KCNQ2: variants seen among roughly 807,000 people sequenced by gnomAD.
The protein encoded by KCNQ2 is potassium voltage-gated channel subfamily KQT member 2.
Under a neutral mutation model 84.8 loss-of-function variants are expected in KCNQ2, and 14 were observed. The observed-to-expected ratio is 0.17, with a 90% CI of 0.11 to 0.26. The LOEUF (loss-of-function observed/expected upper bound fraction) is 0.26, where lower values mean the gene tolerates loss of function less well. Among genes scored for constraint, KCNQ2 ranks in the 10% least tolerant of loss-of-function variants. The pLI, the probability that KCNQ2 is intolerant of heterozygous loss-of-function variation, is 1.00. For missense variants in KCNQ2, 788 were observed against 1,254.0 expected (o/e 0.63, Z 5.61); for synonymous variants, 599 against 554.1 (o/e 1.08, Z -1.14).
intron 1 of KCNQ2, 90 bp downstream of exon 1, chr20:63,472,078 C>G (rs2082229869): frequency 9.9e-7 from 1 of 1,014,276 alleles, no homozygotes; most frequent in African/African-American, 1.7e-5. Flanking sequence ...GGAGCCAAAC[C>G]CGCCGCAGCC....
intron 10 of KCNQ2, 50 bp downstream of exon 10, chr20:63,428,317 C>A (rs768959578): frequency 1.4e-6 from 2 of 1,441,534 alleles, no homozygotes; most frequent in South Asian, 1.2e-5. Flanking sequence ...GCTGGGGCCC[C>A]CAGGAGGACT....
rs1568898978 is a variant in KCNQ2 at position 63,424,120 on chromosome 20, A to T, written c.1247+57T>A. ...GACAGGTTGCGCACACGTGTGGGAG[A>T]GAGACCAGACGGCCGTGCACACGGC... On this transcript the variant is annotated intron_variant, in intron 11 of 16. Coordinates refer to ENST00000359125, the MANE Select transcript of KCNQ2 (RefSeq NM_172107.4). 1.9e-6 allele frequency: 3 copies of T among 1,542,238 alleles called. No individual in the cohort carries two copies. In the South Asian group the frequency reaches 3.6e-5, roughly 18 times the overall value.
In KCNQ2 at chr20:63,442,719, C is replaced by CCATCACCACCAT. The variant is rs1568933980; in HGVS notation, c.691-189_691-188insATGGTGGTGATG. ...ACCACCATCACCATCACCACCACCACCACCATCATCACCACCTCCACCATC... is the reference window on the plus strand; with the variant it reads ...ACCACCATCACCATCACCACCACCACCATCACCACCATCACCATCATCACCACCTCCACCATC... On this transcript the variant is annotated intron_variant, in intron 4 of 16. Coordinates refer to ENST00000359125, the MANE Select transcript of KCNQ2 (RefSeq NM_172107.4). 3.1e-4 allele frequency among the ~76,000 whole-genome samples: 12 copies of CCATCACCACCAT among 38,408 alleles called. 1 individual carries two copies. The East Asian group carries it at 4.2e-3, about 14-fold the overall frequency. The allele number at this position is 38,408 out of a possible 152,430, so 25.2% of individuals were successfully genotyped here. A position where few individuals can be genotyped will look rare whatever the true frequency, so the allele number is the denominator to read the frequency against.
At chr20:63,454,587 AACCGTGGGGAAG>A (rs2081720759) in intron 1 of KCNQ2, among the ~76,000 whole-genome samples, 2 of 152,372 alleles carry the variant, frequency 1.3e-5, no homozygotes, top group South Asian at 4.1e-4. Context: ...CGGTCGGCCG[AACCGTGGGGAAG>A]ACACAGGGGC....
chr20:63,467,440 A>G (rs1453943481), intron 1 of KCNQ2, among the ~76,000 whole-genome samples: 1 of 151,944 alleles, frequency 6.6e-6, no homozygotes, highest in African/African-American at 2.4e-5. Context: ...CGTCACTCCT[A>G]CAGGGCTGAG....
At chr20:63,470,862 C>G (rs551119354) in intron 1 of KCNQ2, 1 of 152,166 alleles carries the variant, frequency 6.6e-6, no homozygotes, top group Admixed American at 6.5e-5. Flanking sequence ...AAGCTAGACT[C>G]ACCTCCTGGG....
In KCNQ2 at chr20:63,414,012, A is replaced by AC; in HGVS notation, c.1631+75dup. The AC allele has an allele frequency of 9.1e-7, 1 of 1,094,020 alleles. No homozygotes were observed. The highest frequency in any genetic ancestry group is 1.4e-6 in the Non-Finnish European group (1 of 709,656). The allele number at this position is 1,094,020 out of a possible 1,614,324, so 67.8% of individuals were successfully genotyped here. ...GGCGGCTCTGTCCAGCACCATGAGC[A>AC]CCGGCAGCAGGCAGGACCACCGAGC... On this transcript the variant is annotated intron_variant, in intron 14 of 16. Transcript: ENST00000359125. This position sits in a 1 kb window ranked among gnomAD's most constrained non-coding sequence, Gnocchi z 6.6.
rs118192199 is a variant in KCNQ2 at position 63,444,762 on chromosome 20, G to C, written c.587C>G (p.Ala196Gly). ...CTGCAGGAAGCGCAGGCTCCGGAGCGCAGATGTGGCAAAGACGTTGCCCTG... is the reference window on the plus strand; with the variant it reads ...CTGCAGGAAGCGCAGGCTCCGGAGCCCAGATGTGGCAAAGACGTTGCCCTG... The part of the protein sequence containing the change: ...GSQGNVFATS[A>G]LRSLRFLQIL... The change falls in exon 4 of 17, where the codon GCG becomes GGG. Residue 196 changes from alanine (A) to glycine (G), a missense_variant. Ala to Gly is a moderately conservative substitution (Grantham distance 60, BLOSUM62 0). This residue lies in a region of KCNQ2 where 12 missense variants were observed against 50.2 expected (regional missense o/e 0.24). Transcript: ENST00000359125. The C allele has an allele frequency of 6.2e-7, 1 of 1,607,500 alleles. No homozygotes were observed. The highest frequency in any genetic ancestry group is 1.3e-5 in the African/African-American group (1 of 75,044).
chr20:63,453,130 G>A (rs1330072158), intron 1 of KCNQ2, among the ~76,000 whole-genome samples: 8 of 152,048 alleles, frequency 5.3e-5, no homozygotes, highest in East Asian at 1.9e-4. Flanking sequence ...CGCGGTGGAC[G>A]TCGGCACAGC....
intron 15 of KCNQ2, among the ~76,000 whole-genome samples, chr20:63,411,534 C>T (rs2145523062): frequency 6.6e-6 from 1 of 152,342 alleles, no homozygotes; most frequent in East Asian, 1.9e-4. Context: ...CCCCCGGCTT[C>T]CCCAGGGCAC....
In KCNQ2 at chr20:63,460,933, C is replaced by A. The variant is rs1010087959; in HGVS notation, c.296+11235G>T. ...TCAGAGACAAGCCAACTACCTGGCA[C>A]GCGAGACTCATCTTGCCCATGAGAA... On this transcript the variant is annotated intron_variant, in intron 1 of 16. Coordinates refer to ENST00000359125, the MANE Select transcript of KCNQ2 (RefSeq NM_172107.4). The surrounding 1 kb of genome is among the most constrained non-coding windows in gnomAD (Gnocchi z 5.4). 4 of 152,252 alleles carry A rather than the reference C, an allele frequency of 2.6e-5. No individual in the cohort carries two copies. Among genetic ancestry groups the A allele is most frequent in the Admixed American group, 1.3e-4 (2 of 15,286 alleles). The allele number at this position is 152,252 out of a possible 1,614,324, so 9.4% of individuals were successfully genotyped here.
chr20:63,464,807 G>A (rs1161836649), intron 1 of KCNQ2, among the ~76,000 whole-genome samples: 1 of 152,174 alleles, frequency 6.6e-6, no homozygotes, highest in African/African-American at 2.4e-5. Flanking sequence ...ATCAACCACA[G>A]CCCCGCGCAC....
At chr20:63,429,441 C>T (rs1202772267) in intron 9 of KCNQ2, among the ~76,000 whole-genome samples, 2 of 152,110 alleles carry the variant, frequency 1.3e-5, no homozygotes, top group East Asian at 1.9e-4. Flanking sequence ...AGGACGGCCA[C>T]CTCCCAGCCC....
At chr20:63,413,979 T>C (rs539850975) in intron 14 of KCNQ2, 109 bp downstream of exon 14, 37 of 822,582 alleles carry the variant, frequency 4.5e-5, no homozygotes, top group Admixed American at 1.9e-5. Context: ...CAGTAGACTC[T>C]GTCTCTGGGC....
At position 63,438,955 on chromosome 20, in the gene KCNQ2, A is replaced by C. The variant is rs1270911160; in HGVS notation, c.928-235T>G. ...ACCGATCCATGCCTCCCCCACCTTC[A>C]TCAAGGTCAGACTAATCCAGGAACC... On this transcript the variant is annotated intron_variant, in intron 6 of 16. Coordinates refer to ENST00000359125, the MANE Select transcript of KCNQ2 (RefSeq NM_172107.4). This position sits in a 1 kb window ranked among gnomAD's most constrained non-coding sequence, Gnocchi z 5.1. Among the ~76,000 whole-genome samples, 1 of 151,930 alleles carries C rather than the reference A, an allele frequency of 6.6e-6. No homozygotes were observed. The highest frequency in any genetic ancestry group is 2.4e-5 in the African/African-American group (1 of 41,354).
intron 5 of KCNQ2, among the ~76,000 whole-genome samples, chr20:63,440,360 G>A (rs1487244603): frequency 2.0e-5 from 3 of 152,182 alleles, no homozygotes; most frequent in Non-Finnish European, 2.9e-5. Context: ...GGACGGACAC[G>A]TCTCCAAGCA....
intron 1 of KCNQ2, among the ~76,000 whole-genome samples, chr20:63,450,888 A>G (rs546693801): frequency 6.6e-6 from 1 of 152,266 alleles, no homozygotes; most frequent in South Asian, 2.1e-4. Context: ...ACGCATCAGC[A>G]CTTCGGGAGG....
intron 5 of KCNQ2, 62 bp downstream of exon 5, chr20:63,442,344 C>A: frequency 6.2e-7 from 1 of 1,612,612 alleles, no homozygotes; most frequent in East Asian, 2.2e-5. Context: ...AGAGCCTGGT[C>A]CCAGCACAGG....
At chr20:63,429,186 ACT>A (rs369889296) in intron 9 of KCNQ2, among the ~76,000 whole-genome samples, 22 of 123,382 alleles carry the variant, frequency 1.8e-4, no homozygotes, top group African/African-American at 6.0e-4. Flanking sequence ...CACCCACCTC[ACT>A]CTGCCCACTC....
Sources: gnomAD v4.1 joint callset for allele counts (sites outside exome capture counted in the v4.1 genomes callset) on GRCh38, gnomAD v4.1.1 for gene constraint, gnomAD v4.1.1 regional missense constraint, Gnocchi (gnomAD v3.1) non-coding constraint, MANE v1.5 for transcripts, NCBI Gene and HGNC (gene_info 2026-07-23, HGNC 2026-07-21) for gene names.